The following MACROD2 variants were observed in gnomAD, a reference collection of about 807,000 sequenced individuals.
MACROD2 encodes the protein ADP-ribose glycohydrolase MACROD2.
Under a neutral mutation model 70.4 loss-of-function variants are expected in MACROD2, and 36 were observed. The ratio of observed to expected loss-of-function variants is 0.51; its 90% CI spans 0.39 to 0.68. MACROD2 has a LOEUF of 0.68. Ranked by LOEUF, MACROD2 falls within the 30% of genes least tolerant of loss-of-function variation. The pLI, the probability that MACROD2 is intolerant of heterozygous loss-of-function variation, is 0.00. For missense variants in MACROD2, 496 were observed against 538.4 expected, an observed-to-expected ratio of 0.92 and a Z score of 0.78; for synonymous variants, 172 against 178.8, an observed-to-expected ratio of 0.96 and a Z score of 0.30.
intron 5 of MACROD2, among the ~76,000 whole-genome samples, chr20:15,206,826 T>G (rs1177254606): frequency 2.1e-5 from 3 of 139,724 alleles, no homozygotes; most frequent in Non-Finnish European, 4.6e-5. Context: ...AAGCTCCACC[T>G]CCCGGGTTCA....
intron 6 of MACROD2, among the ~76,000 whole-genome samples, chr20:15,345,982 C>G (rs890983159): frequency 2.0e-5 from 3 of 152,122 alleles, no homozygotes; most frequent in African/African-American, 7.2e-5. Context: ...CAATAGGTGG[C>G]CACTTATGCA....
chr20:15,006,359 C>T (rs1214972999), intron 5 of MACROD2, among the ~76,000 whole-genome samples: 6 of 151,532 alleles, frequency 4.0e-5, no homozygotes, highest in Admixed American at 6.6e-5. Context: ...GGCAGGGGAA[C>T]GGGGAGATGT....
chr20:15,697,025 T>C (rs1011584023), intron 8 of MACROD2, among the ~76,000 whole-genome samples: 1 of 152,196 alleles, frequency 6.6e-6, no homozygotes. Flanking sequence ...ATTTATCTTT[T>C]GTATTGTCTT....
chr20:14,890,012 T>C (rs966821042), intron 5 of MACROD2, among the ~76,000 whole-genome samples: 2 of 152,078 alleles, frequency 1.3e-5, no homozygotes, highest in African/African-American at 2.4e-5. Context: ...GTACAGACTT[T>C]GTATATATTT....
intron 5 of MACROD2, among the ~76,000 whole-genome samples, chr20:14,802,194 T>C (rs2072584765): frequency 1.3e-5 from 2 of 152,074 alleles, no homozygotes; most frequent in Non-Finnish European, 2.9e-5. Context: ...CATGATCATA[T>C]GAGCACCTGC....
chr20:15,761,733 C>G (rs564125107), intron 8 of MACROD2, among the ~76,000 whole-genome samples: 1 of 152,324 alleles, frequency 6.6e-6, no homozygotes, highest in African/African-American at 2.4e-5. Context: ...AAAATATGTA[C>G]CAGTCTCGGC....
At chr20:15,333,465 T>C (rs1251267331) in intron 6 of MACROD2, among the ~76,000 whole-genome samples, 3 of 151,604 alleles carry the variant, frequency 2.0e-5, no homozygotes, top group South Asian at 4.1e-4. Flanking sequence ...GGGAAGAGAA[T>C]TGGATCAGAA....
At chr20:15,085,858 A>AAC (rs5840651) in intron 5 of MACROD2, among the ~76,000 whole-genome samples, 5 of 135,766 alleles carry the variant, frequency 3.7e-5, no homozygotes, top group African/African-American at 1.1e-4. Flanking sequence ...AAAGATGAAT[A>AAC]ACACACACAC....
At chr20:15,854,666 C>T (rs1402605028) in intron 8 of MACROD2, among the ~76,000 whole-genome samples, 1 of 152,162 alleles carries the variant, frequency 6.6e-6, no homozygotes, top group Non-Finnish European at 1.5e-5. Context: ...GGGAGAAGAG[C>T]AGATTGCTCT....
chr20:14,856,705 T>G lies in MACROD2; in HGVS notation c.418+171746T>G, dbSNP rs573196038. 1.2e-3 allele frequency among the ~76,000 whole-genome samples: 184 copies of G among 152,262 alleles called. 2 individuals are homozygous for G. Among genetic ancestry groups the G allele is most frequent in the African/African-American group, 4.2e-3 (176 of 41,552 alleles). On this transcript the variant is annotated intron_variant, in intron 5 of 17. Transcript: ENST00000684519. ...AGCAGGTTTTGGACAAAGCCCAAGA[T>G]ACTGTGTTCTAACAAGATCCCAGGT...
chr20:14,646,467 A>G (rs886947229), intron 4 of MACROD2, among the ~76,000 whole-genome samples: 1 of 152,094 alleles, frequency 6.6e-6, no homozygotes, highest in African/African-American at 2.4e-5. Context: ...CTATTATGTT[A>G]TCTGTTATAG....
intron 4 of MACROD2, among the ~76,000 whole-genome samples, chr20:14,613,289 C>A (rs1166154508): frequency 1.3e-5 from 2 of 152,204 alleles, no homozygotes; most frequent in South Asian, 2.1e-4. Context: ...CATACGCATT[C>A]CCCAGAACCA....
intron 5 of MACROD2, among the ~76,000 whole-genome samples, chr20:15,031,678 C>T (rs1225281719): frequency 1.3e-5 from 2 of 152,148 alleles, no homozygotes; most frequent in African/African-American, 4.8e-5. Context: ...CTGTGTTAAT[C>T]TGGCAGAGTT....
chr20:14,713,802 A>G (rs1568753974), intron 5 of MACROD2, among the ~76,000 whole-genome samples: 1 of 152,220 alleles, frequency 6.6e-6, no homozygotes, highest in Non-Finnish European at 1.5e-5. Flanking sequence ...ATAGCAAAAC[A>G]AGGCATGATT....
At chr20:14,298,011 T>C (rs1166460137) in intron 3 of MACROD2, among the ~76,000 whole-genome samples, 1 of 151,954 alleles carries the variant, frequency 6.6e-6, no homozygotes. Context: ...TCCTGTGCTC[T>C]GTAAATGGAA....
intron 4 of MACROD2, among the ~76,000 whole-genome samples, chr20:14,509,201 C>G (rs1568645596): frequency 6.6e-6 from 1 of 151,968 alleles, no homozygotes; most frequent in Non-Finnish European, 1.5e-5. Flanking sequence ...TTTTTGTAAC[C>G]ATTTTTTTCT....
At chr20:14,281,227 G>T (rs761715454) in intron 3 of MACROD2, among the ~76,000 whole-genome samples, 1 of 152,032 alleles carries the variant, frequency 6.6e-6, no homozygotes, top group Non-Finnish European at 1.5e-5. Context: ...CCATACAATG[G>T]AATTATTTGC....
intron 8 of MACROD2, among the ~76,000 whole-genome samples, chr20:15,534,999 G>A (rs767349556): frequency 1.3e-5 from 2 of 151,620 alleles, no homozygotes; most frequent in East Asian, 1.9e-4. Context: ...TTTTTGAGAC[G>A]GGCTCTCACT....
chr20:15,963,228 G>T (rs1034683735), intron 12 of MACROD2, among the ~76,000 whole-genome samples: 4 of 148,990 alleles, frequency 2.7e-5, no homozygotes, highest in Non-Finnish European at 4.5e-5. Flanking sequence ...AGACATTTAC[G>T]CATTACAGAG....
Sources: allele counts gnomAD v4.1 joint callset (sites outside exome capture counted in the v4.1 genomes callset), GRCh38; gene constraint gnomAD v4.1.1; transcripts MANE v1.5; gene names NCBI Gene and HGNC (gene_info 2026-07-23, HGNC 2026-07-21).